PLXNC1: variants seen among roughly 807,000 people sequenced by gnomAD.
PLXNC1 encodes the protein plexin C1, also known as plexin-C1.
PLXNC1 carries 75 observed loss-of-function variants against 178.2 expected under a neutral mutation model. The ratio of observed to expected loss-of-function variants is 0.42; its 90% confidence interval spans 0.35 to 0.51. The LOEUF is 0.51. Ranked by LOEUF, PLXNC1 falls within the 20% of genes least tolerant of loss-of-function variation. The pLI, the probability that PLXNC1 is intolerant of heterozygous loss-of-function variation, is 0.02. For synonymous variants in PLXNC1, 790 were observed against 779.9 expected, an observed-to-expected ratio of 1.01 and a Z score of -0.22; for missense variants, 1,503 against 1,984.4, an observed-to-expected ratio of 0.76 and a Z score of 4.61.
At chr12:94,228,943 T>C (rs546196772) in intron 9 of PLXNC1, among the ~76,000 whole-genome samples, 1 of 152,346 alleles carries the variant, frequency 6.6e-6, no homozygotes, top group African/African-American at 2.4e-5. Flanking sequence ...CTGGATTGTA[T>C]TGTAATTCTC....
intron 23 of PLXNC1, among the ~76,000 whole-genome samples, chr12:94,284,087 GAAAAAAAAAAAA>G (rs796439911): frequency 2.4e-5 from 2 of 82,696 alleles, no homozygotes; most frequent in African/African-American, 8.4e-5. Flanking sequence ...CATGTCAGGG[GAAAAAAAAAAAA>G]AAAAAAAAAG....
chr12:94,191,769 C>CAAA (rs58096506), intron 4 of PLXNC1, among the ~76,000 whole-genome samples: 216 of 141,222 alleles, frequency 1.5e-3, no homozygotes, highest in East Asian at 3.4e-3. Flanking sequence ...AACTCCATCT[C>CAAA]AAAAAAAAAA....
chr12:94,264,915 G>A (rs892644487), intron 20 of PLXNC1, among the ~76,000 whole-genome samples, 164 bp from the exon 21 acceptor site: 3 of 152,376 alleles, frequency 2.0e-5, no homozygotes, highest in South Asian at 4.1e-4. Flanking sequence ...TCTGAGTTTT[G>A]CATCCAATCC....
rs1366812714 is a variant in PLXNC1 at position 94,304,057 on chromosome 12, A to AT, written c.4602+10dup. On this transcript the variant is annotated splice_region_variant and intron_variant, in intron 30 of 30. Coordinates refer to ENST00000258526, the MANE Select transcript of PLXNC1 (RefSeq NM_005761.3). The stretch of plus-strand genomic sequence containing the variant: ...TCGTAAAATATTTTGATGAGGTAAG[A>AT]TTTTAAATAACATTGTTTTTAACCT... 4 of 1,472,236 alleles carry AT rather than the reference A, an allele frequency of 2.7e-6. No individual in the cohort carries two copies. The highest frequency in any genetic ancestry group is 3.8e-6 in the Non-Finnish European group (4 of 1,055,880). The allele number at this position is 1,472,236 out of a possible 1,614,324, so 91.2% of individuals were successfully genotyped here.
At position 94,259,609 on chromosome 12, in the gene PLXNC1, G is replaced by T; in HGVS notation, c.3127-1G>T. The T allele has an allele frequency of 6.3e-7, 1 of 1,598,850 alleles. No homozygotes were observed. The highest frequency in any genetic ancestry group is 1.4e-5 in the African/African-American group (1 of 73,890). ...ACTATATATTTTTTTCTTTTTATCAGAACAGAGACGCCAACGACAAGAATG... is the reference window on the plus strand; with the variant it reads ...ACTATATATTTTTTTCTTTTTATCATAACAGAGACGCCAACGACAAGAATG... On this transcript the variant is annotated splice_acceptor_variant, in intron 18 of 30. Transcript: ENST00000258526. LOFTEE classifies it high-confidence loss of function.
At chr12:94,205,037 A>G (rs1963258495) in intron 4 of PLXNC1, among the ~76,000 whole-genome samples, 1 of 152,220 alleles carries the variant, frequency 6.6e-6, no homozygotes, top group Non-Finnish European at 1.5e-5. Context: ...GGCAGGAAGT[A>G]GAAGTTACAT....
intron 1 of PLXNC1, 65 bp from the exon 2 acceptor site, chr12:94,169,088 T>C: frequency 7.1e-7 from 1 of 1,409,560 alleles, no homozygotes; most frequent in Non-Finnish European, 9.8e-7. Flanking sequence ...ATTTCATCAG[T>C]ATAATGAGAA....
chr12:94,218,333 G>C (rs1181367432), intron 5 of PLXNC1, among the ~76,000 whole-genome samples: 1 of 152,188 alleles, frequency 6.6e-6, no homozygotes, highest in Admixed American at 6.5e-5. Context: ...CCGGGGACTA[G>C]ATTAGACTTA....
chr12:94,274,510 C>T (rs574645488), intron 21 of PLXNC1, among the ~76,000 whole-genome samples: 25 of 152,184 alleles, frequency 1.6e-4, no homozygotes, highest in African/African-American at 5.8e-4. Flanking sequence ...GCTGGTTGGA[C>T]GACAAACCAG....
chr12:94,278,302 T>C (rs1397113070), intron 21 of PLXNC1, among the ~76,000 whole-genome samples: 1 of 152,268 alleles, frequency 6.6e-6, no homozygotes, highest in East Asian at 1.9e-4. Context: ...TGCTATGTTA[T>C]GCTATTTGCA....
chr12:94,150,521 C>T (rs1233330742), intron 1 of PLXNC1, among the ~76,000 whole-genome samples: 1 of 152,238 alleles, frequency 6.6e-6, no homozygotes, highest in East Asian at 1.9e-4. Context: ...CACACCCCAG[C>T]CTTTGTGGCC....
At chr12:94,183,158 G>T (rs1962389266) in intron 3 of PLXNC1, among the ~76,000 whole-genome samples, 1 of 152,156 alleles carries the variant, frequency 6.6e-6, no homozygotes, top group Admixed American at 6.5e-5. Flanking sequence ...TTTCCTTTCA[G>T]TCATTCTAAG....
intron 6 of PLXNC1, among the ~76,000 whole-genome samples, 169 bp from the exon 7 acceptor site, chr12:94,224,059 T>C (rs1338089227): frequency 6.6e-6 from 1 of 152,222 alleles, no homozygotes; most frequent in East Asian, 1.9e-4. Flanking sequence ...CTGATGCGAA[T>C]GGCCTATGGG....
chr12:94,226,530 C>A, intron 7 of PLXNC1, 75 bp from the exon 8 acceptor site: 2 of 953,604 alleles, frequency 2.1e-6, no homozygotes, highest in Non-Finnish European at 3.4e-6. Context: ...TTGCATGCCA[C>A]ATCACAGAGG....
chr12:94,229,856 T>C (rs1964044741), intron 9 of PLXNC1, among the ~76,000 whole-genome samples: 1 of 152,240 alleles, frequency 6.6e-6, no homozygotes, highest in African/African-American at 2.4e-5. Context: ...GTTCTTCTTT[T>C]TCAAGATTGT....
At chr12:94,201,748 C>CTTTT (rs10529488) in intron 4 of PLXNC1, among the ~76,000 whole-genome samples, 3 of 54,422 alleles carry the variant, frequency 5.5e-5, no homozygotes, top group African/African-American at 2.2e-4. Context: ...CTTCCCACTA[C>CTTTT]TTTTTTTTTT....
At chr12:94,187,623 C>A (rs1372626793) in intron 4 of PLXNC1, among the ~76,000 whole-genome samples, 1 of 152,180 alleles carries the variant, frequency 6.6e-6, no homozygotes, top group Non-Finnish European at 1.5e-5. Context: ...TTGTTTGTTG[C>A]ACACTCAGTG....
At chr12:94,246,704 G>A (rs1964538441) in intron 12 of PLXNC1, among the ~76,000 whole-genome samples, 2 of 152,162 alleles carry the variant, frequency 1.3e-5, no homozygotes, top group Non-Finnish European at 2.9e-5. Context: ...AGGAGTTAAG[G>A]CTGCTGAGGC....
At chr12:94,292,902 A>G (rs1316060370) in intron 23 of PLXNC1, among the ~76,000 whole-genome samples, 1 of 152,232 alleles carries the variant, frequency 6.6e-6, no homozygotes, top group East Asian at 1.9e-4. Context: ...AATAAATTAT[A>G]AGCGTACTGC....
Sources: gnomAD v4.1 joint callset for allele counts (sites outside exome capture counted in the v4.1 genomes callset) on GRCh38, gnomAD v4.1.1 for gene constraint, MANE v1.5 for transcripts, NCBI Gene and HGNC (gene_info 2026-07-23, HGNC 2026-07-21) for gene names.